The following RAPGEF5 variants were observed in gnomAD, a reference collection of about 807,000 sequenced individuals.
RAPGEF5 encodes M-Ras-regulated GEF.
In RAPGEF5, 65 loss-of-function variants were observed where a neutral mutation model predicts 125.2. That is an observed-to-expected ratio of 0.52 (90% CI 0.43 to 0.64). The LOEUF (loss-of-function observed/expected upper bound fraction) is 0.64, where lower values mean the gene tolerates loss of function less well. Ranked by LOEUF, RAPGEF5 falls within the 30% of genes least tolerant of loss-of-function variation. The pLI, the probability that RAPGEF5 is intolerant of heterozygous loss-of-function variation, is 0.00. For synonymous variants in RAPGEF5, 391 were observed against 385.9 expected, an observed-to-expected ratio of 1.01 and a Z score of -0.16; for missense variants, 958 against 1,048.1, an observed-to-expected ratio of 0.91 and a Z score of 1.19.
intron 1 of RAPGEF5, among the ~76,000 whole-genome samples, chr7:22,349,728 A>G (rs1721658032): frequency 1.3e-5 from 2 of 152,202 alleles, no homozygotes; most frequent in African/African-American, 4.8e-5. Context: ...TTGTTTCAAT[A>G]TACCATATGT....
Position 22,193,958 on chromosome 7 carries a change from A to G in RAPGEF5, c.1072T>C (p.Cys358Arg). 2 of 1,613,980 alleles carry G rather than the reference A, an allele frequency of 1.2e-6. No homozygotes were observed. Among genetic ancestry groups the G allele is most frequent in the East Asian group, 2.2e-5 (1 of 44,872 alleles). Residue 358 changes from cysteine (C) to arginine (R), a missense_variant, in exon 10 of 26, where the codon TGT (cysteine) becomes CGT (arginine). By Grantham distance (180) the Cys-to-Arg change is radical (BLOSUM62 -3). Coordinates refer to ENST00000665637, the MANE Select transcript of RAPGEF5 (RefSeq NM_012294.5). ...SVLVLKKVQC[C>R]GPAPTAGSAE... ...CTCCCAGCTGTGGGGGCTGGGCCAC[A>G]GCACTGCACTTTCTTCAGCACCAGG... is the stretch of plus-strand genomic sequence containing the variant.
At chr7:22,334,171 T>C (rs1783982415) in intron 1 of RAPGEF5, among the ~76,000 whole-genome samples, 1 of 152,230 alleles carries the variant, frequency 6.6e-6, no homozygotes. Context: ...ACCCTGAGCA[T>C]GACATTTGGG....
intron 8 of RAPGEF5, among the ~76,000 whole-genome samples, chr7:22,226,790 A>G (rs1785929655): frequency 6.6e-6 from 1 of 151,906 alleles, no homozygotes; most frequent in Non-Finnish European, 1.5e-5. Flanking sequence ...CTCTGGTCCT[A>G]CTCCTTTGTG....
Position 22,194,714 on chromosome 7 carries a change from A to C in RAPGEF5, c.997-681T>G, listed in dbSNP as rs557797692. 1.0e-5 allele frequency: 10 copies of C among 985,478 alleles called. No homozygotes were observed. In the East Asian group the frequency reaches 1.1e-3, roughly 112 times the overall value. 61.0% of individuals were successfully genotyped at this position (985,478 alleles called of 1,614,324 possible). On this transcript the variant is annotated intron_variant, in intron 9 of 25. Coordinates refer to ENST00000665637, the MANE Select transcript of RAPGEF5 (RefSeq NM_012294.5). ...ATTCGGATGCCATGGATGACTGCAC[A>C]GACTTTCTTCACCTCAGTCCCTTTT...
At chr7:22,257,366 C>T (rs970733630) in intron 7 of RAPGEF5, among the ~76,000 whole-genome samples, 2 of 152,160 alleles carry the variant, frequency 1.3e-5, no homozygotes, top group African/African-American at 2.4e-5. Flanking sequence ...AATGGTTCTG[C>T]GTTTGATCAC....
At chr7:22,278,063 A>G (rs1156329772) in intron 6 of RAPGEF5, among the ~76,000 whole-genome samples, 1 of 152,176 alleles carries the variant, frequency 6.6e-6, no homozygotes, top group East Asian at 1.9e-4. Flanking sequence ...AATACAGCCT[A>G]GCTCTGGAAC....
Position 22,160,661 on chromosome 7 carries a change from T to C in RAPGEF5, c.1429-46A>G, listed in dbSNP as rs1191867397. Reference sequence around the variant, plus strand: ...AGAGCTCAGTGGTTGAATGCCCATTTTGTAGGGATTAAGACTCATACCATG... The same window carrying C: ...AGAGCTCAGTGGTTGAATGCCCATTCTGTAGGGATTAAGACTCATACCATG... On this transcript the variant is annotated intron_variant, in intron 13 of 25. Coordinates refer to ENST00000665637, the MANE Select transcript of RAPGEF5 (RefSeq NM_012294.5). 3 of 1,500,754 alleles carry C rather than the reference T, an allele frequency of 2.0e-6. No individual in the cohort carries two copies. The South Asian group carries it at 4.0e-5, about 20-fold the overall frequency. The allele number at this position is 1,500,754 out of a possible 1,614,324, so 93.0% of individuals were successfully genotyped here.
intron 11 of RAPGEF5, among the ~76,000 whole-genome samples, chr7:22,174,871 A>G (rs1211279402): frequency 6.6e-6 from 1 of 152,224 alleles, no homozygotes; most frequent in Non-Finnish European, 1.5e-5. Flanking sequence ...AGGTTACTCT[A>G]AGGAAAGCTA....
rs80259068 is a variant in RAPGEF5, at chr7:22,149,717, G to A, written c.1884+690C>T. On this transcript the variant is annotated intron_variant, in intron 18 of 25. Transcript: ENST00000665637. ...TTTCTTCAAGGGAATGGAACGAAGT[G>A]TACCAAATGTACTGAAACAAGGGAC... 8.0e-3 allele frequency among the ~76,000 whole-genome samples: 1,218 copies of A among 152,302 alleles called. 17 individuals are homozygous for A. The highest frequency in any genetic ancestry group is 0.027 in the African/African-American group (1,139 of 41,568).
chr7:22,314,645 G>C (rs1372903621), intron 3 of RAPGEF5: 22 of 980,920 alleles, frequency 2.2e-5, no homozygotes, highest in Non-Finnish European at 2.7e-5. Context: ...CTTTGAAATA[G>C]AATAGTGATA....
intron 1 of RAPGEF5, among the ~76,000 whole-genome samples, chr7:22,343,314 A>C (rs1347090459): frequency 1.3e-5 from 2 of 152,198 alleles, no homozygotes; most frequent in African/African-American, 4.8e-5. Context: ...ATGGTAATTC[A>C]AGATGAGATC....
At chr7:22,151,352 C>T (rs1783619764) in intron 17 of RAPGEF5, among the ~76,000 whole-genome samples, 1 of 151,638 alleles carries the variant, frequency 6.6e-6, no homozygotes, top group African/African-American at 2.4e-5. Context: ...GTTTTTGATA[C>T]AAACTACCAA....
At chr7:22,175,923 A>G (rs1784489488) in intron 11 of RAPGEF5, among the ~76,000 whole-genome samples, 2 of 152,218 alleles carry the variant, frequency 1.3e-5, no homozygotes, top group Admixed American at 1.3e-4. Flanking sequence ...TGTTAATATT[A>G]GCATTAAATT....
At chr7:22,218,173 G>A in intron 9 of RAPGEF5, among the ~76,000 whole-genome samples, 1 of 152,058 alleles carries the variant, frequency 6.6e-6, no homozygotes, top group East Asian at 1.9e-4. Flanking sequence ...TATAGTTACA[G>A]ATTTGAAGAG....
chr7:22,238,009 G>A (rs748611469), intron 7 of RAPGEF5, among the ~76,000 whole-genome samples: 1 of 152,152 alleles, frequency 6.6e-6, no homozygotes, highest in Non-Finnish European at 1.5e-5. Flanking sequence ...AAATGCAGTC[G>A]AGAGCTGGCA....
At chr7:22,124,556 G>A (rs1262333893) in intron 25 of RAPGEF5, among the ~76,000 whole-genome samples, 1 of 152,100 alleles carries the variant, frequency 6.6e-6, no homozygotes, top group African/African-American at 2.4e-5. Flanking sequence ...GCCTAGACCA[G>A]CACTGAACAG....
At chr7:22,132,089 T>G (rs2128100032) in intron 23 of RAPGEF5, among the ~76,000 whole-genome samples, 1 of 152,246 alleles carries the variant, frequency 6.6e-6, no homozygotes, top group Non-Finnish European at 1.5e-5. Context: ...AAAAATAACC[T>G]GATAGAAAAG....
chr7:22,222,102 G>C (rs1562769516), intron 8 of RAPGEF5, among the ~76,000 whole-genome samples: 1 of 152,050 alleles, frequency 6.6e-6, no homozygotes, highest in African/African-American at 2.4e-5. Flanking sequence ...CAAAAAATTA[G>C]CCGGGCGTGG....
At chr7:22,317,212 T>C (rs1441049748) in intron 2 of RAPGEF5, among the ~76,000 whole-genome samples, 3 of 150,388 alleles carry the variant, frequency 2.0e-5, no homozygotes, top group Non-Finnish European at 4.5e-5. Context: ...CACAGTCTCC[T>C]GTTAGCCTAA....
Sources: gnomAD v4.1 joint callset for allele counts (sites outside exome capture counted in the v4.1 genomes callset) on GRCh38, gnomAD v4.1.1 for gene constraint, MANE v1.5 for transcripts, NCBI Gene and HGNC (gene_info 2026-07-23, HGNC 2026-07-21) for gene names.